The following PEBP4 variants were observed in gnomAD, a reference collection of about 807,000 sequenced individuals.
The protein encoded by PEBP4 is phosphatidylethanolamine-binding protein 4.
Under a neutral mutation model 23.9 loss-of-function variants are expected in PEBP4, and 22 were observed. The observed-to-expected ratio is 0.92, with a 90% CI of 0.66 to 1.31. The LOEUF is 1.31. Ranked by LOEUF, PEBP4 falls within the 40% of genes most tolerant of loss-of-function variation. The pLI, the probability that PEBP4 is intolerant of heterozygous loss-of-function variation, is 0.00. For missense variants in PEBP4, 324 were observed against 281.7 expected, an observed-to-expected ratio of 1.15 and a Z score of -1.07; for synonymous variants, 112 against 99.3, an observed-to-expected ratio of 1.13 and a Z score of -0.76.
intron 3 of PEBP4, among the ~76,000 whole-genome samples, chr8:22,872,187 T>G (rs559220763): frequency 1.5e-4 from 23 of 152,350 alleles, no homozygotes; most frequent in Middle Eastern, 3.4e-3. Context: ...CCTATAACAT[T>G]CTTATGATAT....
chr8:22,718,751 G>A (rs371798282), intron 6 of PEBP4, among the ~76,000 whole-genome samples: 3 of 152,276 alleles, frequency 2.0e-5, no homozygotes, highest in South Asian at 4.1e-4. Context: ...TGGGCTGAGT[G>A]TGTTTGTGTC....
intron 4 of PEBP4, among the ~76,000 whole-genome samples, chr8:22,810,672 GTGT>G (rs1563223633): frequency 1.1e-3 from 35 of 31,790 alleles, no homozygotes; most frequent in African/African-American, 3.0e-3. Flanking sequence ...ATGGAGGGGT[GTGT>G]GTGTGTGTGT....
intron 3 of PEBP4, among the ~76,000 whole-genome samples, chr8:22,845,018 T>C (rs1807400280): frequency 6.6e-6 from 1 of 152,158 alleles, no homozygotes; most frequent in African/African-American, 2.4e-5. Context: ...CCCCAGGAGC[T>C]AATTTACCCA....
chr8:22,903,485 G>A (rs960530800), intron 3 of PEBP4, among the ~76,000 whole-genome samples: 4 of 152,212 alleles, frequency 2.6e-5, no homozygotes, highest in African/African-American at 9.7e-5. Context: ...GTTCAAATGT[G>A]TGGAGTCTCT....
intron 3 of PEBP4, among the ~76,000 whole-genome samples, chr8:22,882,339 C>A (rs556586364): frequency 4.4e-4 from 67 of 152,354 alleles, no homozygotes; most frequent in African/African-American, 1.6e-3. Context: ...ACAGTGCTGG[C>A]CACACCCAGG....
intron 4 of PEBP4, among the ~76,000 whole-genome samples, chr8:22,759,860 A>C (rs561055820): frequency 2.0e-5 from 3 of 152,286 alleles, no homozygotes; most frequent in South Asian, 2.1e-4. Flanking sequence ...ACGGAGCTCA[A>C]GGCAGCGTCT....
chr8:22,905,396 G>T (rs949757683), intron 3 of PEBP4, among the ~76,000 whole-genome samples: 1 of 151,928 alleles, frequency 6.6e-6, no homozygotes, highest in Admixed American at 6.6e-5. Context: ...TCGGTTTGTC[G>T]TGGGGCTTTT....
intron 4 of PEBP4, among the ~76,000 whole-genome samples, chr8:22,762,695 GCCATGTTCTCCC>G (rs1420368447): frequency 6.6e-6 from 1 of 152,010 alleles, no homozygotes; most frequent in East Asian, 1.9e-4. Context: ...GCAAAGTGGG[GCCATGTTCTCCC>G]CAACTGTGAC....
chr8:22,767,378 A>G (rs970632632), intron 4 of PEBP4, among the ~76,000 whole-genome samples: 2 of 152,146 alleles, frequency 1.3e-5, no homozygotes, highest in African/African-American at 4.8e-5. Context: ...CCCCCCACCA[A>G]TTTTTTGTTT....
At chr8:22,834,539 G>A (rs1807159977) in intron 3 of PEBP4, among the ~76,000 whole-genome samples, 1 of 152,240 alleles carries the variant, frequency 6.6e-6, no homozygotes, top group African/African-American at 2.4e-5. Flanking sequence ...TGCAGTTGCT[G>A]TGGATCAGAG....
intron 1 of PEBP4, among the ~76,000 whole-genome samples, chr8:22,936,694 A>G (rs1263447717): frequency 6.6e-6 from 1 of 152,222 alleles, no homozygotes; most frequent in Admixed American, 6.5e-5. Context: ...CTCTGATGCA[A>G]AAGTCCCCAA....
At chr8:22,788,334 G>GA (rs964209261) in intron 4 of PEBP4, among the ~76,000 whole-genome samples, 2 of 152,098 alleles carry the variant, frequency 1.3e-5, no homozygotes, top group Non-Finnish European at 2.9e-5. Flanking sequence ...AGGGAAAGAC[G>GA]AATGAGAAGA....
At chr8:22,767,316 G>A (rs751467653) in intron 4 of PEBP4, among the ~76,000 whole-genome samples, 13 of 152,212 alleles carry the variant, frequency 8.5e-5, no homozygotes, top group Non-Finnish European at 1.5e-4. Flanking sequence ...GTTGTGAGAT[G>A]TATCACAAGC....
intron 3 of PEBP4, among the ~76,000 whole-genome samples, chr8:22,917,326 A>G (rs1277587495): frequency 1.3e-5 from 2 of 152,252 alleles, no homozygotes; most frequent in East Asian, 1.9e-4. Flanking sequence ...TGAGGGACCC[A>G]GGTAGCACTT....
At chr8:22,772,236 C>T (rs1805730106) in intron 4 of PEBP4, among the ~76,000 whole-genome samples, 1 of 152,216 alleles carries the variant, frequency 6.6e-6, no homozygotes, top group African/African-American at 2.4e-5. Context: ...TAAGTAACTT[C>T]TCCAGGGTTG....
upstream of PEBP4, among the ~76,000 whole-genome samples, chr8:22,929,379 C>T (rs1344173232): frequency 2.0e-5 from 3 of 152,242 alleles, no homozygotes; most frequent in East Asian, 5.8e-4. Context: ...TTCCAAATGG[C>T]ATCCACTAGA....
intron 4 of PEBP4, among the ~76,000 whole-genome samples, chr8:22,729,612 G>C (rs1804691586): frequency 6.6e-6 from 1 of 152,224 alleles, no homozygotes; most frequent in Non-Finnish European, 1.5e-5. Context: ...CATAGGCAAA[G>C]ATTCTGCAAA....
At chr8:22,733,802 TGGGGATGGGGGAA>T (rs1804790014) in intron 4 of PEBP4, among the ~76,000 whole-genome samples, 1 of 3,020 alleles carries the variant, frequency 3.3e-4, no homozygotes, top group African/African-American at 5.5e-4. Context: ...TTGGGGAGGG[TGGGGATGGGGGAA>T]TTGGGGAGGG....
intron 4 of PEBP4, among the ~76,000 whole-genome samples, chr8:22,764,545 C>T (rs912752182): frequency 2.0e-5 from 3 of 152,076 alleles, no homozygotes; most frequent in Non-Finnish European, 4.4e-5. Context: ...CTTTGAAGGC[C>T]TTTATGTATA....
Sources: gnomAD v4.1 joint callset for allele counts (sites outside exome capture counted in the v4.1 genomes callset) on GRCh38, gnomAD v4.1.1 for gene constraint, MANE v1.5 for transcripts, NCBI Gene and HGNC (gene_info 2026-07-23, HGNC 2026-07-21) for gene names.